The following ZNF597 variants were observed in gnomAD, a reference collection of about 807,000 sequenced individuals.
ZNF597 encodes the protein zinc finger protein 597.
Under a neutral mutation model 7.3 loss-of-function variants are expected in ZNF597, and 5 were observed. That is an observed-to-expected ratio of 0.68 (90% CI 0.36 to 1.44). The LOEUF (loss-of-function observed/expected upper bound fraction) is 1.44, where lower values mean the gene tolerates loss of function less well. ZNF597 is among the 40% of genes most tolerant of loss of function. The pLI, the probability that ZNF597 is intolerant of heterozygous loss-of-function variation, is 0.04. For synonymous variants in ZNF597, 209 were observed against 185.4 expected (o/e 1.13, Z -1.04); for missense variants, 585 against 517.9 (o/e 1.13, Z -1.26).
intron 3 of ZNF597, among the ~76,000 whole-genome samples, chr16:3,439,234 A>G (rs760250601): frequency 1.3e-5 from 2 of 151,668 alleles, no homozygotes; most frequent in African/African-American, 2.4e-5. Flanking sequence ...AACAACAAAA[A>G]AAGACAAGCA....
intron 3 of ZNF597, among the ~76,000 whole-genome samples, chr16:3,438,730 G>GA (rs761613602): frequency 5.9e-5 from 9 of 152,156 alleles, no homozygotes; most frequent in Non-Finnish European, 1.0e-4. Context: ...GATCAAGGTA[G>GA]AAGGCTGTGT....
At chr16:3,440,561 G>A (rs530598828) in intron 3 of ZNF597, among the ~76,000 whole-genome samples, 1 of 152,226 alleles carries the variant, frequency 6.6e-6, no homozygotes, top group Non-Finnish European at 1.5e-5. Flanking sequence ...GTGAACCTGG[G>A]AGGCGCGGTT....
rs1160985722 is a variant in ZNF597 at position 3,433,967 on chromosome 16, G to A, written c.*2457C>T. The A allele has an allele frequency of 7.0e-6, 1 of 142,426 alleles. No individual in the cohort carries two copies. The highest frequency in any genetic ancestry group is 2.8e-5 in the African/African-American group (1 of 35,952). 8.8% of individuals were successfully genotyped at this position (142,426 alleles called of 1,614,324 possible). A position where few individuals can be genotyped will look rare whatever the true frequency, so the allele number is the denominator to read the frequency against. Reference sequence around the variant, plus strand: ...GTTTGTCGTAATCTTCCAAAATCTGGAGAAAACTGCAAAAAAAAAAATTAG... The same window carrying A: ...GTTTGTCGTAATCTTCCAAAATCTGAAGAAAACTGCAAAAAAAAAAATTAG... On this transcript the variant is annotated 3_prime_UTR_variant, in exon 4 of 4. Coordinates refer to ENST00000301744, the MANE Select transcript of ZNF597 (RefSeq NM_152457.3).
chr16:3,437,615 G>A (rs780019563), intron 3 of ZNF597, 77 bp from the exon 4 acceptor site: 52 of 1,485,482 alleles, frequency 3.5e-5, no homozygotes, highest in Non-Finnish European at 4.4e-5. Context: ...AGCTAAGGTA[G>A]TTACAAACAG....
In ZNF597 at chr16:3,432,603, G is replaced by C. The variant is rs2034266593; in HGVS notation, c.*3821C>G. 1 of 152,146 alleles carries C rather than the reference G, an allele frequency of 6.6e-6. No individual in the cohort carries two copies. Among genetic ancestry groups the C allele is most frequent in the African/African-American group, 2.4e-5 (1 of 41,434 alleles). The allele number at this position is 152,146 out of a possible 1,614,324, so 9.4% of individuals were successfully genotyped here. A position where few individuals can be genotyped will look rare whatever the true frequency, so the allele number is the denominator to read the frequency against. On this transcript the variant is annotated 3_prime_UTR_variant, in exon 4 of 4. Transcript: ENST00000301744. ...TTCTGAGGTATCCAAAGGAACTGGA[G>C]ATTACAGCACATTCTTACGTTTACA...
rs987383255 is a variant in ZNF597, at chr16:3,436,347, G to C, written c.*77C>G. On this transcript the variant is annotated 3_prime_UTR_variant, in exon 4 of 4. Transcript: ENST00000301744. ...TGTAAAGTGCTTAGCACATTGCCTGGGACATATACAGTAACTGCTTCCCAC... is the reference window on the plus strand; with the variant it reads ...TGTAAAGTGCTTAGCACATTGCCTGCGACATATACAGTAACTGCTTCCCAC... 1 of 1,380,544 alleles carries C rather than the reference G, an allele frequency of 7.2e-7. No homozygotes were observed. The highest frequency in any genetic ancestry group is 9.9e-7 in the Non-Finnish European group (1 of 1,008,272). 85.5% of individuals were successfully genotyped at this position (1,380,544 alleles called of 1,614,324 possible).
intron 3 of ZNF597, among the ~76,000 whole-genome samples, chr16:3,440,546 A>C (rs969424154): frequency 1.3e-5 from 2 of 152,138 alleles, no homozygotes; most frequent in Non-Finnish European, 2.9e-5. Context: ...AGGCAGGAGA[A>C]TGGCGTGAAC....
rs750211917 is a variant in ZNF597, at chr16:3,440,804, T to C, written c.160+3A>G. On this transcript the variant is annotated splice_donor_region_variant and intron_variant, in intron 3 of 3. Transcript: ENST00000301744. The stretch of plus-strand genomic sequence containing the variant: ...CCAGATGCAGGAAAAACAATTGCCT[T>C]ACCCATCAAAGCCGCATCCTCCAAA... 1.9e-6 allele frequency: 3 copies of C among 1,613,454 alleles called. No homozygotes were observed. Among genetic ancestry groups the C allele is most frequent in the Admixed American group, 3.3e-5 (2 of 59,898 alleles).
chr16:3,443,280 C>G lies in ZNF597; in HGVS notation c.-53-74G>C, dbSNP rs2034422051. Reference sequence around the variant, plus strand: ...TTCCTCCACTACCCCTAGCCTCCCTCGATTCCCTCCGAACCCCCCCTTAAA... The same window carrying G: ...TTCCTCCACTACCCCTAGCCTCCCTGGATTCCCTCCGAACCCCCCCTTAAA... On this transcript the variant is annotated intron_variant, in intron 1 of 3. Coordinates refer to ENST00000301744, the MANE Select transcript of ZNF597 (RefSeq NM_152457.3). 3 of 927,306 alleles carry G rather than the reference C, an allele frequency of 3.2e-6. No individual in the cohort carries two copies. The South Asian group carries it at 5.2e-5, about 16-fold the overall frequency. 57.4% of individuals were successfully genotyped at this position (927,306 alleles called of 1,614,324 possible). A position where few individuals can be genotyped will look rare whatever the true frequency, so the allele number is the denominator to read the frequency against.
At chr16:3,438,514 G>A (rs936585424) in intron 3 of ZNF597, among the ~76,000 whole-genome samples, 1 of 151,152 alleles carries the variant, frequency 6.6e-6, no homozygotes, top group Non-Finnish European at 1.5e-5. Context: ...AGTGAGCCGA[G>A]ATCGCGCCAC....
At position 3,443,398 on chromosome 16, in the gene ZNF597, G is replaced by A; in HGVS notation, c.-92C>T. The A allele has an allele frequency of 1.8e-6, 1 of 541,890 alleles. No individual in the cohort carries two copies. The highest frequency in any genetic ancestry group is 3.2e-6 in the Non-Finnish European group (1 of 311,692). The allele number at this position is 541,890 out of a possible 1,614,324, so 33.6% of individuals were successfully genotyped here. A position where few individuals can be genotyped will look rare whatever the true frequency, so the allele number is the denominator to read the frequency against. On this transcript the variant is annotated 5_prime_UTR_variant, in exon 1 of 4. Coordinates refer to ENST00000301744, the MANE Select transcript of ZNF597 (RefSeq NM_152457.3). The stretch of plus-strand genomic sequence containing the variant: ...ATAACAGGCCTCGCGCTCCCTGACA[G>A]GAGCTGCAGAAAGCGACGCCCGACC...
chr16:3,438,897 C>A (rs558543038), intron 3 of ZNF597, among the ~76,000 whole-genome samples: 22 of 152,186 alleles, frequency 1.4e-4, no homozygotes, highest in Non-Finnish European at 2.1e-4. Context: ...ACAGTTTTCC[C>A]AACTCACTGA....
rs1003951915 is a variant in ZNF597, at chr16:3,443,043, A to C, written c.33+78T>G. 3.2e-6 allele frequency: 5 copies of C among 1,565,834 alleles called. No homozygotes were observed. In the African/African-American group the frequency reaches 4.1e-5, roughly 13 times the overall value. ...CACTCCTACCACAACAGGCATGCCC[A>C]ACTCTCCTCCAAAGGAGGGGGTCAG... On this transcript the variant is annotated intron_variant, in intron 2 of 3. Transcript: ENST00000301744.
intron 2 of ZNF597, 107 bp from the exon 3 acceptor site, chr16:3,441,040 G>C (rs1248787679): frequency 2.7e-6 from 4 of 1,485,238 alleles, no homozygotes; most frequent in Non-Finnish European, 3.6e-6. Flanking sequence ...GGGATAAAAG[G>C]CTCGGTGTAA....
chr16:3,438,151 G>C lies in ZNF597; in HGVS notation c.161-613C>G, dbSNP rs568425575. The stretch of plus-strand genomic sequence containing the variant: ...GGAGGCTGAGACAGGAGGATCACTT[G>C]AGCTCAGGAGTTTGAGATGTGCCAT... On this transcript the variant is annotated intron_variant, in intron 3 of 3. Coordinates refer to ENST00000301744, the MANE Select transcript of ZNF597 (RefSeq NM_152457.3). 4.5e-4 allele frequency among the ~76,000 whole-genome samples: 68 copies of C among 151,260 alleles called. 1 individual carries two copies. In the Middle Eastern group the frequency reaches 0.01, roughly 23 times the overall value.
chr16:3,443,403 T>G lies in ZNF597; in HGVS notation c.-97A>C. The G allele has an allele frequency of 1.9e-6, 1 of 539,472 alleles. No individual in the cohort carries two copies. The highest frequency in any genetic ancestry group is 3.2e-5 in the East Asian group (1 of 30,850). The allele number at this position is 539,472 out of a possible 1,614,324, so 33.4% of individuals were successfully genotyped here. On this transcript the variant is annotated 5_prime_UTR_variant, in exon 1 of 4. Transcript: ENST00000301744. ...AGGCCTCGCGCTCCCTGACAGGAGC[T>G]GCAGAAAGCGACGCCCGACCGAGAC...
At position 3,437,445 on chromosome 16, in the gene ZNF597, G is replaced by A. The variant is rs2034316775; in HGVS notation, c.254C>T (p.Pro85Leu). 1 of 1,614,010 alleles carries A rather than the reference G, an allele frequency of 6.2e-7. No homozygotes were observed. Among genetic ancestry groups the A allele is most frequent in the African/African-American group, 1.3e-5 (1 of 74,898 alleles). Residue 85 changes from proline (P) to leucine (L), a missense_variant, in exon 4 of 4, where the codon CCC becomes CTC. Physicochemically the swap from Pro to Leu is moderately conservative, Grantham distance 98 (BLOSUM62 -3). Transcript: ENST00000301744. ...LALEKYPIAA[P>L]LVPYPEKSSE... ...GGATTTTTCTGGGTAAGGGACAAGG[G>A]GTGCAGCAATGGGGTACTTTTCTAA...
At position 3,437,436 on chromosome 16, in the gene ZNF597, G is replaced by C. The variant is rs753660770; in HGVS notation, c.263C>G (p.Pro88Arg). Residue 88 changes from proline (P) to arginine (R), a missense_variant, in exon 4 of 4, where the codon CCT becomes CGT. Transcript: ENST00000301744. ...ATCCTCAGAGGATTTTTCTGGGTAAGGGACAAGGGGTGCAGCAATGGGGTA... is the reference window on the plus strand; with the variant it reads ...ATCCTCAGAGGATTTTTCTGGGTAACGGACAAGGGGTGCAGCAATGGGGTA... The part of the protein sequence containing the change: ...EKYPIAAPLV[P>R]YPEKSSEDGV... The C allele has an allele frequency of 1.2e-6, 2 of 1,614,176 alleles. No individual in the cohort carries two copies. Among genetic ancestry groups the C allele is most frequent in the South Asian group, 1.1e-5 (1 of 91,082 alleles).
At chr16:3,442,086 C>T (rs936428629) in intron 2 of ZNF597, among the ~76,000 whole-genome samples, 4 of 152,138 alleles carry the variant, frequency 2.6e-5, no homozygotes, top group Non-Finnish European at 5.9e-5. Context: ...TTTGCTATTT[C>T]CTCTCGTCCC....
Sources: allele counts gnomAD v4.1 joint callset (sites outside exome capture counted in the v4.1 genomes callset), GRCh38; gene constraint gnomAD v4.1.1; transcripts MANE v1.5; gene names NCBI Gene and HGNC (gene_info 2026-07-23, HGNC 2026-07-21).